Variants in PDE1A observed in about 807,000 individuals in gnomAD.
PDE1A encodes phosphodiesterase 1A, also known as dual specificity calcium/calmodulin-dependent 3',5'-cyclic nucleotide phosphodiesterase 1A.
A neutral mutation model predicts 61.7 loss-of-function variants in PDE1A; 35 were observed. The ratio of observed to expected loss-of-function variants is 0.57; its 90% CI spans 0.43 to 0.75. The LOEUF is 0.75. Ranked by LOEUF, PDE1A falls within the 30% of genes least tolerant of loss-of-function variation. The pLI is 0.00. For missense variants in PDE1A, 597 were observed against 630.6 expected (o/e 0.95, Z 0.57); for synonymous variants, 232 against 213.2 (o/e 1.09, Z -0.77).
intron 2 of PDE1A, among the ~76,000 whole-genome samples, chr2:182,461,541 G>C (rs1386519815): frequency 6.6e-6 from 1 of 152,098 alleles, no homozygotes; most frequent in Non-Finnish European, 1.5e-5. Flanking sequence ...TATTAGTTGA[G>C]CCAGAAACCA....
intron 1 of PDE1A, among the ~76,000 whole-genome samples, chr2:182,405,111 AG>A (rs892368053): frequency 6.6e-6 from 1 of 152,202 alleles, no homozygotes; most frequent in African/African-American, 2.4e-5. Context: ...ACTAAGCAAT[AG>A]GATTTTTCAG....
intron 13 of PDE1A, among the ~76,000 whole-genome samples, chr2:182,179,016 G>C (rs1684525234): frequency 6.6e-6 from 1 of 152,098 alleles, no homozygotes; most frequent in South Asian, 2.1e-4. Flanking sequence ...GCCATCTAAA[G>C]AAGGAGGAAA....
Position 182,381,759 on chromosome 2 carries a change from C to T in PDE1A, c.53+44819G>A, listed in dbSNP as rs370100502. Among the ~76,000 whole-genome samples the T allele has an allele frequency of 2.3e-4, 35 of 152,048 alleles. No homozygotes were observed. The South Asian group carries it at 6.9e-3, about 30-fold the overall frequency. On this transcript the variant is annotated intron_variant, in intron 1 of 13. Transcript: ENST00000351439. Reference sequence around the variant, plus strand: ...CCCAGGAGGCAGAGGTTGCAGTGAGCCGAGATGACACCTCTGCACTCCAGC... The same window carrying T: ...CCCAGGAGGCAGAGGTTGCAGTGAGTCGAGATGACACCTCTGCACTCCAGC...
intron 2 of PDE1A, among the ~76,000 whole-genome samples, chr2:182,474,830 C>T (rs967962730): frequency 1.3e-5 from 2 of 151,918 alleles, no homozygotes; most frequent in African/African-American, 4.8e-5. Context: ...GCTCTACTTA[C>T]ACAAAGACAA....
chr2:182,275,761 G>A (rs1369004630), intron 1 of PDE1A, among the ~76,000 whole-genome samples: 7 of 151,978 alleles, frequency 4.6e-5, no homozygotes, highest in Non-Finnish European at 1.0e-4. Context: ...AACTAGATTT[G>A]CTTCTAACAC....
chr2:182,428,682 C>G (rs1239214356), upstream of PDE1A, among the ~76,000 whole-genome samples: 1 of 152,048 alleles, frequency 6.6e-6, no homozygotes, highest in Non-Finnish European at 1.5e-5. Context: ...AGAAATAACA[C>G]ATTGTACAGG....
At chr2:182,414,676 GA>G (rs939501708) in intron 1 of PDE1A, among the ~76,000 whole-genome samples, 13 of 151,080 alleles carry the variant, frequency 8.6e-5, no homozygotes, top group African/African-American at 2.2e-4. Context: ...TCTAAATGAA[GA>G]AAAAAAAAGA....
chr2:182,491,397 G>A (rs11892848), intron 2 of PDE1A, among the ~76,000 whole-genome samples: 63,843 of 151,888 alleles, frequency 0.42, 13,736 homozygotes, highest in African/African-American at 0.49. Context: ...GGGGGACATG[G>A]GCACATGGGA....
upstream of PDE1A, among the ~76,000 whole-genome samples, chr2:182,430,149 T>G (rs957238043): frequency 6.6e-6 from 1 of 151,620 alleles, no homozygotes. Context: ...CAAAAGAAAC[T>G]ACCATCAGAG....
intron 3 of PDE1A, among the ~76,000 whole-genome samples, chr2:182,236,849 T>G (rs1034027911): frequency 6.6e-6 from 1 of 152,132 alleles, no homozygotes; most frequent in Non-Finnish European, 1.5e-5. Context: ...TTACATGGAA[T>G]GTAAAGGAAG....
At chr2:182,624,066 A>T in the PDE1A span, among the ~76,000 whole-genome samples, 1 of 149,620 alleles carries the variant, frequency 6.7e-6, no homozygotes, top group Admixed American at 6.8e-5. Context: ...CAGAGCTTGC[A>T]GCGAGCTGAG....
intron 2 of PDE1A, among the ~76,000 whole-genome samples, chr2:182,520,314 G>A (rs1018953569): frequency 6.6e-6 from 1 of 151,872 alleles, no homozygotes; most frequent in African/African-American, 2.4e-5. Flanking sequence ...ACAAGTTAAA[G>A]TGATAGTACC....
chr2:182,448,498 T>C (rs1685288587), intron 2 of PDE1A, among the ~76,000 whole-genome samples: 1 of 151,984 alleles, frequency 6.6e-6, no homozygotes, highest in Non-Finnish European at 1.5e-5. Context: ...CCAACAGAAA[T>C]GTTGGGTTAT....
chr2:182,201,097 T>C (rs1173652242), intron 10 of PDE1A, among the ~76,000 whole-genome samples: 1 of 152,192 alleles, frequency 6.6e-6, no homozygotes, highest in Non-Finnish European at 1.5e-5. Flanking sequence ...AGAACTGTTA[T>C]ATATCCTTAT....
chr2:182,534,929 C>T, the PDE1A span, among the ~76,000 whole-genome samples: 3 of 151,874 alleles, frequency 2.0e-5, no homozygotes, highest in Non-Finnish European at 2.9e-5. Context: ...TTACTTAATG[C>T]TCTAGTTTAC....
At chr2:182,627,740 C>T in the PDE1A span, among the ~76,000 whole-genome samples, 715 of 151,572 alleles carry the variant, frequency 4.7e-3, 2 homozygotes, top group Non-Finnish European at 8.1e-3. Flanking sequence ...GTCAGGAGTT[C>T]GAGACCAGGC....
chr2:182,312,626 G>A (rs896795412), intron 1 of PDE1A, among the ~76,000 whole-genome samples: 6 of 152,032 alleles, frequency 3.9e-5, no homozygotes, highest in Non-Finnish European at 8.8e-5. Flanking sequence ...TATATATGTG[G>A]GTTAATTTGT....
At chr2:182,470,715 T>C (rs1200003640) in intron 2 of PDE1A, among the ~76,000 whole-genome samples, 1 of 151,762 alleles carries the variant, frequency 6.6e-6, no homozygotes, top group Non-Finnish European at 1.5e-5. Flanking sequence ...TGAGGGTAGA[T>C]GCAAGAGACA....
chr2:182,308,186 T>C (rs1695721964), intron 1 of PDE1A, among the ~76,000 whole-genome samples: 1 of 152,090 alleles, frequency 6.6e-6, no homozygotes, highest in East Asian at 1.9e-4. Flanking sequence ...CACATCCAGC[T>C]TAGAGTGCTC....
Sources: gnomAD v4.1 joint callset for allele counts (sites outside exome capture counted in the v4.1 genomes callset) on GRCh38, gnomAD v4.1.1 for gene constraint, MANE v1.5 for transcripts, NCBI Gene and HGNC (gene_info 2026-07-23, HGNC 2026-07-21) for gene names.